Variants in KIAA1328 observed in about 807,000 individuals in gnomAD.
KIAA1328 encodes KIAA1328, also known as protein hinderin.
In KIAA1328, 52 loss-of-function variants were observed where a neutral mutation model predicts 68.1. The ratio of observed to expected loss-of-function variants is 0.76; its 90% confidence interval spans 0.61 to 0.96. The LOEUF (loss-of-function observed/expected upper bound fraction) is 0.96. Ranked by LOEUF, KIAA1328 falls within the 40% of genes least tolerant of loss-of-function variation. The probability of loss-of-function intolerance (pLI) is 0.00; values close to 1 mark genes in which losing one functional copy is unlikely to be tolerated. For missense variants in KIAA1328, 641 were observed against 677.6 expected (o/e 0.95, Z 0.60); for synonymous variants, 232 against 239.4 (o/e 0.97, Z 0.28).
At chr18:36,866,241 C>A (rs2047746848) in intron 4 of KIAA1328, among the ~76,000 whole-genome samples, 1 of 152,154 alleles carries the variant, frequency 6.6e-6, no homozygotes, top group South Asian at 2.1e-4. Flanking sequence ...TAGGCTGCTT[C>A]TCCACATGGA....
intron 5 of KIAA1328, among the ~76,000 whole-genome samples, chr18:36,928,631 T>G (rs1038126149): frequency 6.6e-6 from 1 of 152,182 alleles, no homozygotes; most frequent in African/African-American, 2.4e-5. Context: ...TCTCTTTGGC[T>G]TTGGTTTTCA....
At position 37,224,685 on chromosome 18, in the gene KIAA1328, A is replaced by G. The variant is rs1172371416; in HGVS notation, c.*2458A>G. 6.1e-6 allele frequency: 6 copies of G among 985,322 alleles called. No individual in the cohort carries two copies. Among genetic ancestry groups the G allele is most frequent in the Non-Finnish European group, 7.2e-6 (6 of 829,944 alleles). 61.0% of individuals were successfully genotyped at this position (985,322 alleles called of 1,614,324 possible). ...TATCCCAAGAGAAAGGATCTGGCAC[A>G]AAGGAATCTGCCTTTCCTCCGTCTC... On this transcript the variant is annotated 3_prime_UTR_variant, in exon 10 of 10. Transcript: ENST00000280020.
chr18:37,145,960 T>C (rs188109749), intron 7 of KIAA1328, among the ~76,000 whole-genome samples: 3 of 152,338 alleles, frequency 2.0e-5, no homozygotes, highest in East Asian at 3.9e-4. Flanking sequence ...TTATTGATAC[T>C]GTTGAACTTA....
At chr18:37,137,276 A>C (rs2058666620) in intron 7 of KIAA1328, among the ~76,000 whole-genome samples, 1 of 152,080 alleles carries the variant, frequency 6.6e-6, no homozygotes, top group Admixed American at 6.6e-5. Flanking sequence ...AGTACCTCTT[A>C]CATCTTCAGA....
intron 7 of KIAA1328, among the ~76,000 whole-genome samples, chr18:37,140,522 C>T (rs2058744041): frequency 6.6e-6 from 1 of 152,104 alleles, no homozygotes; most frequent in South Asian, 2.1e-4. Context: ...ACCAGAATTT[C>T]ATTAAACTTC....
At chr18:37,171,240 C>A (rs2059493398) in intron 8 of KIAA1328, among the ~76,000 whole-genome samples, 1 of 152,034 alleles carries the variant, frequency 6.6e-6, no homozygotes, top group African/African-American at 2.4e-5. Flanking sequence ...GAGACAGATT[C>A]TTGCTCTGTT....
intron 5 of KIAA1328, among the ~76,000 whole-genome samples, chr18:36,895,356 G>A (rs1485908519): frequency 6.6e-6 from 1 of 152,158 alleles, no homozygotes; most frequent in East Asian, 1.9e-4. Flanking sequence ...CTAGAGTAGG[G>A]GTGAGAAAGT....
At chr18:36,832,967 G>C (rs993075472) in intron 1 of KIAA1328, 1 of 151,662 alleles carries the variant, frequency 6.6e-6, no homozygotes, top group East Asian at 2.0e-4. Flanking sequence ...CTCTGGAGTA[G>C]CTGGGACTAC....
At chr18:36,949,597 T>TCCCCCCCCCCCCCCCCCC (rs71168248) in intron 5 of KIAA1328, among the ~76,000 whole-genome samples, 2 of 57,360 alleles carry the variant, frequency 3.5e-5, no homozygotes, top group African/African-American at 6.6e-5. Flanking sequence ...TCTACCCAGC[T>TCCCCCCCCCCCCCCCCCC]CCCCCCCCCC....
intron 6 of KIAA1328, among the ~76,000 whole-genome samples, chr18:37,048,386 G>A (rs538503057): frequency 2.0e-5 from 3 of 152,242 alleles, no homozygotes; most frequent in Admixed American, 6.5e-5. Flanking sequence ...TGATGTGAGA[G>A]TCACTTACGT....
intron 1 of KIAA1328, among the ~76,000 whole-genome samples, chr18:36,830,473 C>G (rs2046435955): frequency 6.6e-6 from 1 of 152,102 alleles, no homozygotes; most frequent in South Asian, 2.1e-4. Flanking sequence ...AGTCTTTTCT[C>G]AAGAAACACT....
intron 6 of KIAA1328, among the ~76,000 whole-genome samples, chr18:36,964,976 C>T (rs1002104989): frequency 9.2e-5 from 14 of 151,960 alleles, no homozygotes; most frequent in African/African-American, 3.4e-4. Flanking sequence ...TAGCCCATAC[C>T]ATTTTACAAA....
At chr18:36,863,169 G>C (rs1601034867) in intron 4 of KIAA1328, among the ~76,000 whole-genome samples, 2 of 151,856 alleles carry the variant, frequency 1.3e-5, no homozygotes, top group East Asian at 3.9e-4. Context: ...AATTTAACTA[G>C]GTCCAGTTTT....
intron 6 of KIAA1328, among the ~76,000 whole-genome samples, chr18:37,052,241 C>A (rs1197663413): frequency 6.6e-6 from 1 of 152,042 alleles, no homozygotes; most frequent in East Asian, 1.9e-4. Flanking sequence ...GAATTAAAAA[C>A]CATATGATCA....
At chr18:37,100,470 G>C (rs2151866835) in intron 7 of KIAA1328, among the ~76,000 whole-genome samples, 1 of 152,302 alleles carries the variant, frequency 6.6e-6, no homozygotes, top group East Asian at 1.9e-4. Context: ...GCAAGGCTGG[G>C]GGAGGGGCGC....
At chr18:37,031,769 T>C (rs2054838448) in intron 6 of KIAA1328, among the ~76,000 whole-genome samples, 1 of 152,214 alleles carries the variant, frequency 6.6e-6, no homozygotes, top group South Asian at 2.1e-4. Context: ...TAACCTTCTT[T>C]TAAATAATTG....
At chr18:37,091,847 G>T (rs1359960964) in intron 7 of KIAA1328, among the ~76,000 whole-genome samples, 1 of 152,112 alleles carries the variant, frequency 6.6e-6, no homozygotes, top group African/African-American at 2.4e-5. Context: ...AAGGAAGCTG[G>T]CCCCAGGACA....
chr18:36,906,675 GTAA>G (rs2049235548), intron 5 of KIAA1328, among the ~76,000 whole-genome samples: 7 of 152,188 alleles, frequency 4.6e-5, no homozygotes, highest in Middle Eastern at 3.4e-3. Flanking sequence ...CATGCAGTGT[GTAA>G]TAATAATGCA....
chr18:37,137,622 C>T lies in KIAA1328; in HGVS notation c.1233-22578C>T, dbSNP rs530024840. Among the ~76,000 whole-genome samples, 460 of 152,266 alleles carry T rather than the reference C, an allele frequency of 3.0e-3. 1 individual carries two copies. Among genetic ancestry groups the T allele is most frequent in the Non-Finnish European group, 3.7e-3 (255 of 68,014 alleles). On this transcript the variant is annotated intron_variant, in intron 7 of 9. Coordinates refer to ENST00000280020, the MANE Select transcript of KIAA1328 (RefSeq NM_020776.3). Reference sequence around the variant, plus strand: ...TAACCTTTCTGATATCTCTCTCGTTCCCATGTTTTCTTGACACTATTCTTT... The same window carrying T: ...TAACCTTTCTGATATCTCTCTCGTTTCCATGTTTTCTTGACACTATTCTTT...
Sources: gnomAD v4.1 joint callset for allele counts (sites outside exome capture counted in the v4.1 genomes callset) on GRCh38, gnomAD v4.1.1 for gene constraint, MANE v1.5 for transcripts, NCBI Gene and HGNC (gene_info 2026-07-23, HGNC 2026-07-21) for gene names.